ASPRV1: variants seen among roughly 807,000 people sequenced by gnomAD.
ASPRV1 encodes retroviral-like aspartic protease 1.
A neutral mutation model predicts 11.0 loss-of-function variants in ASPRV1; 7 were observed. The observed-to-expected ratio is 0.64, with a 90% CI of 0.36 to 1.20. ASPRV1 has a LOEUF of 1.20. ASPRV1 is among the 50% of genes most tolerant of loss of function. ASPRV1 has a pLI of 0.02. For missense variants in ASPRV1, 299 were observed against 320.0 expected, an observed-to-expected ratio of 0.93 and a Z score of 0.50; for synonymous variants, 136 against 138.4, an observed-to-expected ratio of 0.98 and a Z score of 0.12.
chr2:69,998,513 G>A, the ASPRV1 span, among the ~76,000 whole-genome samples: 5 of 152,044 alleles, frequency 3.3e-5, no homozygotes, highest in East Asian at 3.9e-4. Context: ...AGGCTGAGGC[G>A]GGTGGATCAC....
chr2:70,073,711 C>T, the ASPRV1 span, among the ~76,000 whole-genome samples: 1 of 152,208 alleles, frequency 6.6e-6, no homozygotes, highest in African/African-American at 2.4e-5. Flanking sequence ...GCATTGCTGG[C>T]TGTTGCTGGC....
At chr2:69,988,935 T>C in the ASPRV1 span, 1 of 333,692 alleles carries the variant, frequency 3.0e-6, no homozygotes, top group Middle Eastern at 4.0e-4. Flanking sequence ...CAATTTTGAG[T>C]GTATTCTGAT....
At chr2:70,058,122 G>C in the ASPRV1 span, among the ~76,000 whole-genome samples, 2 of 152,154 alleles carry the variant, frequency 1.3e-5, no homozygotes, top group Non-Finnish European at 2.9e-5. Context: ...GGCTTTATCA[G>C]TACCACAAGG....
At chr2:69,967,146 A>C in the ASPRV1 span, among the ~76,000 whole-genome samples, 2 of 152,220 alleles carry the variant, frequency 1.3e-5, no homozygotes, top group African/African-American at 2.4e-5. Context: ...ATTCAATTCC[A>C]TACATACTTA....
the ASPRV1 span, among the ~76,000 whole-genome samples, chr2:69,950,308 G>T: frequency 4.6e-3 from 703 of 152,288 alleles, 4 homozygotes; most frequent in African/African-American, 0.016. Flanking sequence ...TGGGGTAACC[G>T]TGTCCTTTTT....
the ASPRV1 span, among the ~76,000 whole-genome samples, chr2:70,023,966 T>C: frequency 1.3e-5 from 2 of 151,756 alleles, no homozygotes; most frequent in African/African-American, 4.8e-5. Flanking sequence ...AAAAAAAGGC[T>C]GAGGCCAGGC....
the ASPRV1 span, chr2:70,029,988 G>C: frequency 6.6e-6 from 1 of 152,122 alleles, no homozygotes; most frequent in South Asian, 2.1e-4. Flanking sequence ...GGTTAAAATA[G>C]ATGCAAACTC....
At chr2:69,982,332 T>C in the ASPRV1 span, among the ~76,000 whole-genome samples, 2 of 150,404 alleles carry the variant, frequency 1.3e-5, no homozygotes, top group Non-Finnish European at 2.9e-5. Context: ...GGCACATGCC[T>C]GTAGACCCAG....
the ASPRV1 span, among the ~76,000 whole-genome samples, chr2:69,990,014 C>A: frequency 1.6e-3 from 244 of 152,294 alleles, no homozygotes; most frequent in Non-Finnish European, 2.9e-3. Context: ...TTAACCCTCA[C>A]GGAAATCCTC....
At chr2:69,938,937 A>G in the ASPRV1 span, 2 of 152,658 alleles carry the variant, frequency 1.3e-5, no homozygotes, top group Non-Finnish European at 2.9e-5. Context: ...ACAGCTCATC[A>G]AAGTTCCAAA....
the ASPRV1 span, among the ~76,000 whole-genome samples, chr2:70,010,287 G>C: frequency 6.6e-6 from 1 of 152,136 alleles, no homozygotes; most frequent in African/African-American, 2.4e-5. Flanking sequence ...TGTGTGTACA[G>C]GTGGGAAGCA....
At chr2:69,940,999 A>G in the ASPRV1 span, 2 of 152,594 alleles carry the variant, frequency 1.3e-5, no homozygotes, top group Non-Finnish European at 2.9e-5. Context: ...TTTAAGCAAG[A>G]TGAAAACCTT....
chr2:70,057,294 A>G, the ASPRV1 span, among the ~76,000 whole-genome samples: 3 of 152,266 alleles, frequency 2.0e-5, no homozygotes, highest in African/African-American at 7.2e-5. Flanking sequence ...GTATGGGTAT[A>G]TAACAAGTAT....
the ASPRV1 span, among the ~76,000 whole-genome samples, chr2:69,997,685 A>C: frequency 6.6e-6 from 1 of 152,176 alleles, no homozygotes; most frequent in Non-Finnish European, 1.5e-5. Flanking sequence ...GGCCACCTCC[A>C]GCCCGATGGC....
the ASPRV1 span, among the ~76,000 whole-genome samples, chr2:70,056,776 T>C: frequency 4.0e-5 from 6 of 151,682 alleles, no homozygotes; most frequent in African/African-American, 1.5e-4. Flanking sequence ...TCACACAGGC[T>C]GGAGTGCAGT....
chr2:69,938,093 G>A, the ASPRV1 span: 1 of 1,613,624 alleles, frequency 6.2e-7, no homozygotes, highest in East Asian at 2.2e-5. Context: ...TGTCCTCCCT[G>A]CAGAAGAAAT....
chr2:69,965,986 A>C (rs1163072930), upstream of ASPRV1, among the ~76,000 whole-genome samples: 2 of 152,170 alleles, frequency 1.3e-5, no homozygotes, highest in Admixed American at 6.5e-5. Flanking sequence ...CCTAGCTCAG[A>C]ACCCCTCTAA....
At chr2:69,950,567 C>T in the ASPRV1 span, among the ~76,000 whole-genome samples, 32 of 152,146 alleles carry the variant, frequency 2.1e-4, no homozygotes, top group Non-Finnish European at 3.8e-4. Flanking sequence ...GGAGGCTGGG[C>T]GCAGTGGCTC....
chr2:69,937,517 A>C, the ASPRV1 span: 4 of 956,164 alleles, frequency 4.2e-6, no homozygotes, highest in Non-Finnish European at 6.0e-6. Context: ...GATGTAGAGA[A>C]GTCGAACAGT....
Sources: allele counts gnomAD v4.1 joint callset (sites outside exome capture counted in the v4.1 genomes callset), GRCh38; gene constraint gnomAD v4.1.1; transcripts MANE v1.5; gene names NCBI Gene and HGNC (gene_info 2026-07-23, HGNC 2026-07-21).